The following USP53 variants were observed in gnomAD, a reference collection of about 807,000 sequenced individuals.
The protein encoded by USP53 is ubiquitin specific peptidase 53, also known as ubiquitin carboxyl-terminal hydrolase 53.
USP53 carries 71 observed loss-of-function variants against 94.9 expected under a neutral mutation model. The ratio of observed to expected loss-of-function variants is 0.75; its 90% confidence interval spans 0.62 to 0.91. The LOEUF (loss-of-function observed/expected upper bound fraction) is 0.91. Ranked by LOEUF, USP53 falls within the 40% of genes least tolerant of loss-of-function variation. USP53 has a pLI of 0.00. For missense variants in USP53, 1,173 were observed against 1,281.0 expected (o/e 0.92, Z 1.29); for synonymous variants, 375 against 422.7 (o/e 0.89, Z 1.39).
chr4:119,258,968 G>A (rs568790842), intron 9 of USP53, among the ~76,000 whole-genome samples: 5 of 152,222 alleles, frequency 3.3e-5, no homozygotes, highest in African/African-American at 1.2e-4. Context: ...TAAAAGGCCT[G>A]CCTGGGCTCT....
At position 119,239,910 on chromosome 4, in the gene USP53, C is replaced by T; in HGVS notation, c.144+7C>T. The T allele has an allele frequency of 6.9e-7, 1 of 1,447,872 alleles. No homozygotes were observed. Among genetic ancestry groups the T allele is most frequent in the Non-Finnish European group, 9.1e-7 (1 of 1,093,394 alleles). The allele number at this position is 1,447,872 out of a possible 1,614,324, so 89.7% of individuals were successfully genotyped here. On this transcript the variant is annotated splice_region_variant and intron_variant, in intron 5 of 18. Transcript: ENST00000692078. ...TCTTAATAGCGCTGTACAGGTGAGACCATAATTACTTATTACATTAAAAAA... is the reference window on the plus strand; with the variant it reads ...TCTTAATAGCGCTGTACAGGTGAGATCATAATTACTTATTACATTAAAAAA...
intron 9 of USP53, among the ~76,000 whole-genome samples, chr4:119,259,287 A>T (rs1427355434): frequency 6.6e-6 from 1 of 151,464 alleles, no homozygotes; most frequent in African/African-American, 2.4e-5. Context: ...TCTCAAAAAA[A>T]AAAAAAAAGG....
Position 119,271,836 on chromosome 4 carries a change from A to C in USP53, c.1976A>C (p.Asn659Thr). The C allele has an allele frequency of 6.2e-7, 1 of 1,613,066 alleles. No individual in the cohort carries two copies. Among genetic ancestry groups the C allele is most frequent in the African/African-American group, 1.3e-5 (1 of 74,932 alleles). The change falls in exon 16 of 19, where the codon AAT (asparagine) becomes ACT (threonine). Residue 659 changes from asparagine (N) to threonine (T), a missense_variant. Coordinates refer to ENST00000692078, the MANE Select transcript of USP53 (RefSeq NM_001371395.1). ...GGAAGCAGAAGTTCCCTTGAATCTA[A>C]TGGAAAAGGAGCAGAGAAAAATAAA... ...EIGSRSSLESNGKGAEKNKGL... is the reference protein window; with the variant it reads ...EIGSRSSLESTGKGAEKNKGL...
chr4:119,279,939 A>G (rs1449313419), intron 17 of USP53, among the ~76,000 whole-genome samples: 1 of 152,146 alleles, frequency 6.6e-6, no homozygotes, highest in Non-Finnish European at 1.5e-5. Context: ...AGGTGAGGCA[A>G]TGCCTCGCCC....
intron 5 of USP53, among the ~76,000 whole-genome samples, chr4:119,240,191 G>C (rs1747327887): frequency 6.6e-6 from 1 of 151,934 alleles, no homozygotes; most frequent in Admixed American, 6.6e-5. Flanking sequence ...AAATGTTTTG[G>C]TTTTAATCAG....
At position 119,261,709 on chromosome 4, in the gene USP53, A is replaced by G; in HGVS notation, c.823-6A>G. ...TTAAGTGTACATTACCAATTTTTTT[A>G]AACAGCTTTTTTATAGAGTTACTGA... On this transcript the variant is annotated splice_polypyrimidine_tract_variant and splice_region_variant and intron_variant, in intron 11 of 18. Transcript: ENST00000692078. 6.4e-7 allele frequency: 1 copy of G among 1,564,126 alleles called. No homozygotes were observed. Among genetic ancestry groups the G allele is most frequent in the Non-Finnish European group, 8.7e-7 (1 of 1,146,120 alleles).
At position 119,227,618 on chromosome 4, in the gene USP53, G is replaced by A. The variant is rs552261274; in HGVS notation, c.-664-7672G>A. Among the ~76,000 whole-genome samples, 3 of 152,296 alleles carry A rather than the reference G, an allele frequency of 2.0e-5. No homozygotes were observed. In the South Asian group the frequency reaches 6.2e-4, roughly 32 times the overall value. ...TGCACTCCAGCTTGGGAGACAGAGC[G>A]AGACTCCGTCTCAAAAAAGAAAGAA... On this transcript the variant is annotated intron_variant, in intron 3 of 18. Transcript: ENST00000692078.
At chr4:119,245,956 T>C (rs7356185) in intron 6 of USP53, among the ~76,000 whole-genome samples, 115,336 of 152,020 alleles carry the variant, frequency 0.76, 43,766 homozygotes, top group Non-Finnish European at 0.78. Context: ...ATATTTGAAA[T>C]GACACCTTGA....
intron 4 of USP53, among the ~76,000 whole-genome samples, chr4:119,235,863 C>T (rs1746672846): frequency 6.6e-6 from 1 of 152,160 alleles, no homozygotes; most frequent in Admixed American, 6.5e-5. Flanking sequence ...TCTAAAAGCA[C>T]AAACCATCCC....
intron 7 of USP53, among the ~76,000 whole-genome samples, chr4:119,252,663 T>C (rs1749187502): frequency 6.6e-6 from 1 of 152,168 alleles, no homozygotes; most frequent in South Asian, 2.1e-4. Flanking sequence ...GTCTATTTTC[T>C]TGATCTTTTC....
At chr4:119,243,915 A>G (rs1336885052) in intron 5 of USP53, among the ~76,000 whole-genome samples, 2 of 152,142 alleles carry the variant, frequency 1.3e-5, no homozygotes, top group South Asian at 2.1e-4. Flanking sequence ...TCAACATTGC[A>G]TATGTCACCT....
At position 119,293,165 on chromosome 4, in the gene USP53, T is replaced by C; in HGVS notation, c.3176T>C (p.Leu1059Pro). Residue 1059 changes from leucine (L) to proline (P), a missense_variant, in exon 19 of 19, where the codon CTC becomes CCC. By Grantham distance (98) the Leu-to-Pro change is moderately conservative (BLOSUM62 -3). Transcript: ENST00000692078. ...YRLKYHQRPKLSFPESSGFCN... is the reference protein window; with the variant it reads ...YRLKYHQRPKPSFPESSGFCN... ...TTGAAATACCATCAGAGGCCCAAGC[T>C]CTCTTTTCCAGAGAGCAGTGGCTTT... 4 of 1,611,548 alleles carry C rather than the reference T, an allele frequency of 2.5e-6. No individual in the cohort carries two copies. The highest frequency in any genetic ancestry group is 3.4e-6 in the Non-Finnish European group (4 of 1,179,710).
rs779810336 is a variant in USP53, at chr4:119,292,823, A to T, written c.2834A>T (p.Asp945Val). The T allele has an allele frequency of 1.9e-6, 3 of 1,614,144 alleles. No homozygotes were observed. The highest frequency in any genetic ancestry group is 1.1e-5 in the South Asian group (1 of 91,086). Residue 945 changes from aspartate to valine, a missense_variant, in exon 19 of 19, where the codon GAT becomes GTT. Asp to Val is a radical substitution (Grantham distance 152, BLOSUM62 -3). Coordinates refer to ENST00000692078, the MANE Select transcript of USP53 (RefSeq NM_001371395.1). ...PQSEKSESTP[D>V]VKLTEVFKAT... Reference sequence around the variant, plus strand: ...TCAGAGAAAAGCGAATCTACACCTGATGTCAAACTTACAGAGGTGTTTAAA... The same window carrying T: ...TCAGAGAAAAGCGAATCTACACCTGTTGTCAAACTTACAGAGGTGTTTAAA...
intron 3 of USP53, chr4:119,221,350 C>T (rs2149266529): frequency 6.6e-6 from 1 of 152,016 alleles, no homozygotes; most frequent in African/African-American, 2.4e-5. Context: ...AGGAGGATCG[C>T]TTGAGCCCAG....
Position 119,292,917 on chromosome 4 carries a change from T to A in USP53, c.2928T>A (p.His976Gln). ...ASEPSLEVST[H>Q]MNDERHKETF... ...AACCAAGTTTAGAAGTGAGTACACA[T>A]ATGAATGATGAAAGACATAAAGAAA... Residue 976 changes from histidine (H) to glutamine (Q), a missense_variant, in exon 19 of 19, where the codon CAT (histidine) becomes CAA (glutamine). By Grantham distance (24) the His-to-Gln change is conservative (BLOSUM62 0). Transcript: ENST00000692078. 6.2e-7 allele frequency: 1 copy of A among 1,614,092 alleles called. No individual in the cohort carries two copies. The highest frequency in any genetic ancestry group is 1.3e-5 in the African/African-American group (1 of 75,046).
chr4:119,294,316 A>G lies in USP53; in HGVS notation c.*1105A>G, dbSNP rs1030658429. ...CCTTTCATATAGAGAGTTTAATTTT[A>G]ATAAAATGTTTAATTAGAGCATCCT... On this transcript the variant is annotated 3_prime_UTR_variant, in exon 19 of 19. Transcript: ENST00000692078. The G allele has an allele frequency of 3.9e-5, 6 of 152,128 alleles. No homozygotes were observed. Among genetic ancestry groups the G allele is most frequent in the African/African-American group, 9.7e-5 (4 of 41,450 alleles). 9.4% of individuals were successfully genotyped at this position (152,128 alleles called of 1,614,324 possible).
intron 12 of USP53, among the ~76,000 whole-genome samples, 171 bp from the exon 13 acceptor site, chr4:119,267,143 ATATTTT>A (rs1751227683): frequency 2.0e-5 from 3 of 152,206 alleles, no homozygotes; most frequent in Non-Finnish European, 2.9e-5. Context: ...AATGTTTAAA[ATATTTT>A]TATTTAGACT....
intron 7 of USP53, among the ~76,000 whole-genome samples, chr4:119,250,639 C>T (rs1748850530): frequency 6.6e-6 from 1 of 152,162 alleles, no homozygotes; most frequent in Non-Finnish European, 1.5e-5. Context: ...CACAAAATGT[C>T]TAGAAGTCTA....
At chr4:119,237,750 T>C (rs1746982171) in intron 4 of USP53, among the ~76,000 whole-genome samples, 1 of 152,210 alleles carries the variant, frequency 6.6e-6, no homozygotes, top group Non-Finnish European at 1.5e-5. Context: ...ACTGAAAATC[T>C]GTTAATTAGT....
Sources: gnomAD v4.1 joint callset for allele counts (sites outside exome capture counted in the v4.1 genomes callset) on GRCh38, gnomAD v4.1.1 for gene constraint, MANE v1.5 for transcripts, NCBI Gene and HGNC (gene_info 2026-07-23, HGNC 2026-07-21) for gene names.